GABRB1: variants seen among roughly 807,000 people sequenced by gnomAD.
The protein encoded by GABRB1 is gamma-aminobutyric acid type A receptor subunit beta1.
Under a neutral mutation model 51.6 loss-of-function variants are expected in GABRB1, and 17 were observed. That is an observed-to-expected ratio of 0.33 (90% CI 0.23 to 0.49). GABRB1 has a LOEUF of 0.49. Ranked by LOEUF, GABRB1 falls within the 20% of genes least tolerant of loss-of-function variation. The pLI is 0.99. For synonymous variants in GABRB1, 247 were observed against 218.9 expected, an observed-to-expected ratio of 1.13 and a Z score of -1.14; for missense variants, 410 against 600.6, an observed-to-expected ratio of 0.68 and a Z score of 3.32.
At chr4:47,268,793 T>C (rs1291856169) in intron 4 of GABRB1, among the ~76,000 whole-genome samples, 1 of 152,200 alleles carries the variant, frequency 6.6e-6, no homozygotes, top group African/African-American at 2.4e-5. Context: ...TTTTTTCTAC[T>C]GGGCAAATTT....
chr4:47,187,636 TAG>T (rs1041441085), intron 4 of GABRB1, among the ~76,000 whole-genome samples: 1 of 151,920 alleles, frequency 6.6e-6, no homozygotes, highest in African/African-American at 2.4e-5. Flanking sequence ...CACAGTCTGT[TAG>T]ATATAGAGAA....
chr4:47,050,722 C>T (rs1316451171), intron 3 of GABRB1, among the ~76,000 whole-genome samples: 2 of 152,178 alleles, frequency 1.3e-5, no homozygotes, highest in Admixed American at 6.5e-5. Flanking sequence ...AAATGTTCAA[C>T]TCCATCTCCT....
At chr4:47,214,251 A>T (rs1720472133) in intron 4 of GABRB1, among the ~76,000 whole-genome samples, 1 of 152,180 alleles carries the variant, frequency 6.6e-6, no homozygotes, top group African/African-American at 2.4e-5. Flanking sequence ...CTCAATGTTT[A>T]CCACGGGTGG....
At chr4:47,112,384 G>A (rs1279847066) in intron 3 of GABRB1, among the ~76,000 whole-genome samples, 2 of 152,142 alleles carry the variant, frequency 1.3e-5, no homozygotes, top group Non-Finnish European at 2.9e-5. Flanking sequence ...GATTACAGGC[G>A]TGAGCCGCCA....
At chr4:47,346,957 G>T (rs1427814877) in intron 5 of GABRB1, among the ~76,000 whole-genome samples, 1 of 152,162 alleles carries the variant, frequency 6.6e-6, no homozygotes, top group Non-Finnish European at 1.5e-5. Context: ...CAACTGTTCT[G>T]CTCAACCTCC....
At chr4:47,421,213 A>G (rs1030944043) in intron 8 of GABRB1, among the ~76,000 whole-genome samples, 12 of 151,436 alleles carry the variant, frequency 7.9e-5, no homozygotes, top group East Asian at 1.9e-4. Flanking sequence ...GACGGAGAAT[A>G]CTGAGGGATT....
chr4:47,286,082 A>G (rs942935270), intron 4 of GABRB1, among the ~76,000 whole-genome samples: 2 of 152,222 alleles, frequency 1.3e-5, no homozygotes, highest in African/African-American at 4.8e-5. Flanking sequence ...AACTTTTTCT[A>G]TGGTATGCAA....
chr4:47,132,225 T>C (rs999546001), intron 3 of GABRB1, among the ~76,000 whole-genome samples: 3 of 152,214 alleles, frequency 2.0e-5, no homozygotes, highest in Non-Finnish European at 2.9e-5. Flanking sequence ...AAAATATCAA[T>C]CACTGTTTAT....
In GABRB1 at chr4:47,297,214, G is replaced by A. The variant is rs559114322; in HGVS notation, c.462-22913G>A. ...AATTAAAAGAACTAGAAAAGCAAGA[G>A]CAAACACATTCAAAAGCTAGCAGAA... is the stretch of plus-strand genomic sequence containing the variant. On this transcript the variant is annotated intron_variant, in intron 4 of 8. Transcript: ENST00000295454. Among the ~76,000 whole-genome samples the A allele has an allele frequency of 1.9e-4, 28 of 149,798 alleles. No individual in the cohort carries two copies. The South Asian group carries it at 5.8e-3, about 31-fold the overall frequency.
intron 3 of GABRB1, among the ~76,000 whole-genome samples, chr4:47,106,040 C>A (rs1380290644): frequency 1.3e-5 from 2 of 152,058 alleles, no homozygotes. Context: ...TGCTTGCTTG[C>A]CCTGTGACCT....
intron 5 of GABRB1, among the ~76,000 whole-genome samples, chr4:47,365,246 A>G (rs1322655120): frequency 6.6e-6 from 1 of 152,226 alleles, no homozygotes; most frequent in African/African-American, 2.4e-5. Context: ...AGACACAGAC[A>G]GAAGCTTCAG....
chr4:47,300,525 C>G (rs1280870531), intron 4 of GABRB1, among the ~76,000 whole-genome samples: 1 of 152,060 alleles, frequency 6.6e-6, no homozygotes, highest in African/African-American at 2.4e-5. Flanking sequence ...TATATTAGCA[C>G]TTATTTATCT....
intron 5 of GABRB1, among the ~76,000 whole-genome samples, chr4:47,327,570 C>T (rs1255870109): frequency 6.6e-6 from 1 of 152,098 alleles, no homozygotes; most frequent in Non-Finnish European, 1.5e-5. Context: ...ACAAAGGTAA[C>T]ACTTAGTGAC....
intron 5 of GABRB1, among the ~76,000 whole-genome samples, chr4:47,322,312 G>T (rs1725114085): frequency 1.3e-5 from 2 of 152,150 alleles, no homozygotes; most frequent in African/African-American, 4.8e-5. Context: ...GTACAAATTT[G>T]AAAAGATGGT....
intron 4 of GABRB1, among the ~76,000 whole-genome samples, chr4:47,237,642 A>G (rs778516554): frequency 1.5e-4 from 23 of 152,056 alleles, no homozygotes; most frequent in Non-Finnish European, 3.2e-4. Flanking sequence ...TTTAAAATCT[A>G]AACACCTTTA....
chr4:47,005,585 A>C (rs1339144121), intron 1 of GABRB1, among the ~76,000 whole-genome samples: 2 of 151,144 alleles, frequency 1.3e-5, no homozygotes, highest in East Asian at 2.0e-4. Context: ...CAATGCAAAC[A>C]TTTCAGTCAT....
intron 1 of GABRB1, among the ~76,000 whole-genome samples, chr4:47,002,539 C>T (rs1187854124): frequency 1.3e-5 from 2 of 152,056 alleles, no homozygotes; most frequent in Non-Finnish European, 2.9e-5. Flanking sequence ...TAAATAAGAA[C>T]CACCTTTAAA....
chr4:47,112,758 A>G (rs904528257), intron 3 of GABRB1, among the ~76,000 whole-genome samples: 5 of 152,116 alleles, frequency 3.3e-5, no homozygotes, highest in Admixed American at 2.0e-4. Context: ...TGAAATAAAA[A>G]AAAAAAATCC....
intron 4 of GABRB1, among the ~76,000 whole-genome samples, chr4:47,312,652 TTC>T (rs1240086884): frequency 6.6e-6 from 1 of 152,186 alleles, no homozygotes; most frequent in Non-Finnish European, 1.5e-5. Context: ...TTAGGGGATT[TTC>T]TTTCACATTT....
Sources: allele counts gnomAD v4.1 joint callset (sites outside exome capture counted in the v4.1 genomes callset), GRCh38; gene constraint gnomAD v4.1.1; transcripts MANE v1.5; gene names NCBI Gene and HGNC (gene_info 2026-07-23, HGNC 2026-07-21).